PDSS2: variants seen among roughly 807,000 people sequenced by gnomAD.
The protein encoded by PDSS2 is all trans-polyprenyl-diphosphate synthase PDSS2.
PDSS2 carries 31 observed loss-of-function variants against 44.5 expected under a neutral mutation model. The observed-to-expected ratio is 0.70, with a 90% CI of 0.52 to 0.94. The LOEUF (loss-of-function observed/expected upper bound fraction) is 0.94. Among genes scored for constraint, PDSS2 ranks in the 40% least tolerant of loss-of-function variants. The pLI, the probability that PDSS2 is intolerant of heterozygous loss-of-function variation, is 0.00. For missense variants in PDSS2, 452 were observed against 482.2 expected, an observed-to-expected ratio of 0.94 and a Z score of 0.59; for synonymous variants, 157 against 180.3, an observed-to-expected ratio of 0.87 and a Z score of 1.03.
At chr6:107,362,694 ATCTCTAAGTGTCTTT>A (rs1778818167) in intron 1 of PDSS2, among the ~76,000 whole-genome samples, 1 of 152,244 alleles carries the variant, frequency 6.6e-6, no homozygotes, top group Non-Finnish European at 1.5e-5. Flanking sequence ...ATTAGAAACT[ATCTCTAAGTGTCTTT>A]AAGATATTAT....
At chr6:107,177,131 C>T (rs1771820260) in intron 7 of PDSS2, among the ~76,000 whole-genome samples, 4 of 119,534 alleles carry the variant, frequency 3.3e-5, no homozygotes, top group Non-Finnish European at 1.7e-5. Context: ...TAATGTAATT[C>T]TTTTTTTTTT....
rs561941420 is a variant in PDSS2 at position 107,379,269 on chromosome 6, G to A, written c.297-44937C>T. ...GGCTTTATTGCATTTTGATCAGGTCGTATAACATTTCTGTATTATAACACT... is the reference window on the plus strand; with the variant it reads ...GGCTTTATTGCATTTTGATCAGGTCATATAACATTTCTGTATTATAACACT... On this transcript the variant is annotated intron_variant, in intron 1 of 7. Coordinates refer to ENST00000369037, the MANE Select transcript of PDSS2 (RefSeq NM_020381.4). Among the ~76,000 whole-genome samples the A allele has an allele frequency of 5.9e-5, 9 of 152,222 alleles. No individual in the cohort carries two copies. In the South Asian group the frequency reaches 6.2e-4, roughly 11 times the overall value.
intron 2 of PDSS2, among the ~76,000 whole-genome samples, chr6:107,313,835 A>G (rs890980676): frequency 2.6e-5 from 4 of 152,200 alleles, no homozygotes; most frequent in African/African-American, 9.6e-5. Context: ...ATATTCTTAT[A>G]ACAAAATGAA....
rs551089320 is a variant in PDSS2, at chr6:107,342,088, G to A, written c.297-7756C>T. Among the ~76,000 whole-genome samples, 19 of 151,724 alleles carry A rather than the reference G, an allele frequency of 1.3e-4. No homozygotes were observed. In the East Asian group the frequency reaches 3.5e-3, roughly 28 times the overall value. On this transcript the variant is annotated intron_variant, in intron 1 of 7. Coordinates refer to ENST00000369037, the MANE Select transcript of PDSS2 (RefSeq NM_020381.4). ...TTGAGGCCTTGGTATTTAATTATTT[G>A]TTCACAGGACTCCCTGGCAAGGTTG...
chr6:107,335,283 G>A lies in PDSS2; in HGVS notation c.297-951C>T, dbSNP rs117671495. On this transcript the variant is annotated intron_variant, in intron 1 of 7. Coordinates refer to ENST00000369037, the MANE Select transcript of PDSS2 (RefSeq NM_020381.4). ...TCTCACAATCTTAATCATTTGCTCT[G>A]GTAACAAGAAGAACCCATAGTTTTA... Among the ~76,000 whole-genome samples, 477 of 151,842 alleles carry A rather than the reference G, an allele frequency of 3.1e-3. 2 individuals are homozygous for A. The highest frequency in any genetic ancestry group is 5.3e-3 in the Non-Finnish European group (359 of 67,968).
intron 3 of PDSS2, among the ~76,000 whole-genome samples, chr6:107,251,097 G>C (rs1330689099): frequency 6.6e-6 from 1 of 152,102 alleles, no homozygotes; most frequent in African/African-American, 2.4e-5. Flanking sequence ...CTTGTGATCT[G>C]CCTGCCTCGG....
rs138203816 is a variant in PDSS2 at position 107,421,575 on chromosome 6, A to G, written c.296+37415T>C. Among the ~76,000 whole-genome samples, 16 of 152,220 alleles carry G rather than the reference A, an allele frequency of 1.1e-4. No homozygotes were observed. In the East Asian group the frequency reaches 2.3e-3, roughly 22 times the overall value. ...ACATTACGCTGAGTGAAAACTGTCA[A>G]TCTCAAAAGGTTACGTACTATATGA... On this transcript the variant is annotated intron_variant, in intron 1 of 7. Coordinates refer to ENST00000369037, the MANE Select transcript of PDSS2 (RefSeq NM_020381.4).
At chr6:107,225,137 T>TATATATATATATATATATATTTATATATA (rs1446558243) in intron 4 of PDSS2, among the ~76,000 whole-genome samples, 1 of 62,394 alleles carries the variant, frequency 1.6e-5, no homozygotes, top group African/African-American at 9.7e-5. Flanking sequence ...ATATATATTT[T>TATATATATATATATATATATTTATATATA]TATATATATA....
At chr6:107,406,193 T>C (rs888744705) in intron 1 of PDSS2, among the ~76,000 whole-genome samples, 6 of 152,192 alleles carry the variant, frequency 3.9e-5, no homozygotes, top group African/African-American at 1.2e-4. Flanking sequence ...TCAGGTATCC[T>C]ACCCAAACAC....
At chr6:107,239,374 G>A (rs2114773656) in intron 4 of PDSS2, among the ~76,000 whole-genome samples, 1 of 152,228 alleles carries the variant, frequency 6.6e-6, no homozygotes, top group African/African-American at 2.4e-5. Flanking sequence ...ACAATGTGAA[G>A]AAATATTAAA....
At chr6:107,296,532 C>A (rs1300864777) in intron 2 of PDSS2, among the ~76,000 whole-genome samples, 1 of 152,082 alleles carries the variant, frequency 6.6e-6, no homozygotes, top group African/African-American at 2.4e-5. Context: ...TTGAGACCAG[C>A]CTGGCCAATA....
chr6:107,439,609 T>G (rs1399853382), intron 1 of PDSS2, among the ~76,000 whole-genome samples: 1 of 152,222 alleles, frequency 6.6e-6, no homozygotes, highest in African/African-American at 2.4e-5. Context: ...GTACCACTGT[T>G]GCATAACAAC....
intron 1 of PDSS2, among the ~76,000 whole-genome samples, chr6:107,342,943 C>G (rs1450043341): frequency 6.6e-6 from 1 of 152,070 alleles, no homozygotes; most frequent in Non-Finnish European, 1.5e-5. Context: ...ATGTTAAAAC[C>G]TAGAGATATA....
intron 1 of PDSS2, among the ~76,000 whole-genome samples, chr6:107,339,306 AT>A (rs1202457917): frequency 2.0e-5 from 3 of 152,248 alleles, no homozygotes; most frequent in African/African-American, 4.8e-5. Context: ...AAGCCTTGTC[AT>A]TAAAGTGTCA....
At chr6:107,298,645 A>C (rs1776590249) in intron 2 of PDSS2, among the ~76,000 whole-genome samples, 1 of 152,222 alleles carries the variant, frequency 6.6e-6, no homozygotes, top group Non-Finnish European at 1.5e-5. Flanking sequence ...GTATGTATGC[A>C]TATATGTGTG....
intron 4 of PDSS2, among the ~76,000 whole-genome samples, chr6:107,231,060 A>G (rs571031653): frequency 6.6e-6 from 1 of 152,014 alleles, no homozygotes; most frequent in Non-Finnish European, 1.5e-5. Flanking sequence ...ATTAAAAAAA[A>G]TTTTTTTAAA....
At chr6:107,310,842 C>G (rs1777020855) in intron 2 of PDSS2, among the ~76,000 whole-genome samples, 1 of 152,170 alleles carries the variant, frequency 6.6e-6, no homozygotes, top group East Asian at 1.9e-4. Context: ...GAAGGAGAAA[C>G]TCTCTTAGCT....
At chr6:107,235,918 C>T (rs1425087886) in intron 4 of PDSS2, among the ~76,000 whole-genome samples, 6 of 151,910 alleles carry the variant, frequency 3.9e-5, no homozygotes, top group African/African-American at 1.4e-4. Flanking sequence ...ATCACAAATA[C>T]TAAAAAAGAA....
intron 2 of PDSS2, among the ~76,000 whole-genome samples, chr6:107,286,123 C>T (rs189290447): frequency 2.8e-4 from 9 of 32,322 alleles, no homozygotes; most frequent in Admixed American, 2.3e-3. Context: ...AGGAGCAAAA[C>T]TTCGTCGCAA....
Sources: allele counts gnomAD v4.1 joint callset (sites outside exome capture counted in the v4.1 genomes callset), GRCh38; gene constraint gnomAD v4.1.1; transcripts MANE v1.5; gene names NCBI Gene and HGNC (gene_info 2026-07-23, HGNC 2026-07-21).